PDS5A: variants seen among roughly 807,000 people sequenced by gnomAD.
PDS5A encodes PDS5 cohesin associated factor A.
In PDS5A, 42 loss-of-function variants were observed where a neutral mutation model predicts 167.1. The ratio of observed to expected loss-of-function variants is 0.25; its 90% CI spans 0.20 to 0.33. PDS5A has a LOEUF of 0.33. PDS5A is among the 10% of genes least tolerant of loss of function. The pLI, the probability that PDS5A is intolerant of heterozygous loss-of-function variation, is 1.00. For missense variants in PDS5A, 1,033 were observed against 1,605.9 expected, an observed-to-expected ratio of 0.64 and a Z score of 6.10; for synonymous variants, 553 against 554.6, an observed-to-expected ratio of 1.00 and a Z score of 0.04.
At chr4:39,949,825 A>AAAAAAAAAAAAAAG (rs1465039800) in intron 2 of PDS5A, among the ~76,000 whole-genome samples, 2 of 150,350 alleles carry the variant, frequency 1.3e-5, no homozygotes, top group South Asian at 2.1e-4. Flanking sequence ...GTCTCAGAAA[A>AAAAAAAAAAAAAAG]AAAAAAAAAA....
At chr4:39,863,574 C>A in intron 23 of PDS5A, 115 bp from the exon 24 acceptor site, 1 of 646,920 alleles carries the variant, frequency 1.5e-6, no homozygotes, top group Non-Finnish European at 2.5e-6. Flanking sequence ...TTTAAAATGA[C>A]GTACAAATAT....
chr4:39,838,012 T>C lies in PDS5A; in HGVS notation c.3854A>G (p.Asn1285Ser), dbSNP rs1716590052. ...KSESQGNATKNDDLNKPINKG... is the reference protein window; with the variant it reads ...KSESQGNATKSDDLNKPINKG... Reference sequence around the variant, plus strand: ...GTTAATAGGTTTATTTAGATCATCATTTTTGGTAGCATTGCCCTGAGATTC... The same window carrying C: ...GTTAATAGGTTTATTTAGATCATCACTTTTGGTAGCATTGCCCTGAGATTC... Residue 1285 changes from asparagine to serine, a missense_variant, in exon 32 of 33, where the codon AAT (asparagine) becomes AGT (serine). Transcript: ENST00000303538. The C allele has an allele frequency of 1.2e-6, 2 of 1,613,986 alleles. No homozygotes were observed. The highest frequency in any genetic ancestry group is 2.7e-5 in the African/African-American group (2 of 75,048).
At chr4:39,945,971 G>C (rs1727717157) in intron 2 of PDS5A, among the ~76,000 whole-genome samples, 1 of 151,792 alleles carries the variant, frequency 6.6e-6, no homozygotes, top group East Asian at 2.0e-4. Context: ...GGAGGCCGTG[G>C]AGGGAGGGGG....
chr4:39,915,750 AAT>A (rs1350027603), intron 8 of PDS5A, among the ~76,000 whole-genome samples: 2 of 152,170 alleles, frequency 1.3e-5, no homozygotes, highest in Non-Finnish European at 2.9e-5. Context: ...TTTATTAGCC[AAT>A]ATGATTTACT....
chr4:39,837,231 G>GT (rs1417479852), intron 32 of PDS5A: 3 of 152,340 alleles, frequency 2.0e-5, no homozygotes. Flanking sequence ...AATGCCTACA[G>GT]TCTAATTCAG....
intron 23 of PDS5A, among the ~76,000 whole-genome samples, chr4:39,864,144 CA>C (rs1719230920): frequency 6.7e-6 from 1 of 150,218 alleles, no homozygotes; most frequent in African/African-American, 2.4e-5. Context: ...AAACAAAAAA[CA>C]AAAAACAAAA....
chr4:39,937,559 G>A (rs1560500043), intron 2 of PDS5A, among the ~76,000 whole-genome samples: 2 of 152,138 alleles, frequency 1.3e-5, no homozygotes, highest in Admixed American at 6.5e-5. Flanking sequence ...GACCACAGAC[G>A]AATGCCACCA....
intron 2 of PDS5A, among the ~76,000 whole-genome samples, chr4:39,957,681 G>A: frequency 6.6e-6 from 1 of 151,466 alleles, no homozygotes; most frequent in East Asian, 2.0e-4. Context: ...AGCTACTCGG[G>A]AGGCTGAGGC....
intron 30 of PDS5A, among the ~76,000 whole-genome samples, chr4:39,842,928 T>G (rs899836055): frequency 7.3e-6 from 1 of 136,394 alleles, no homozygotes; most frequent in African/African-American, 2.8e-5. Flanking sequence ...TATATATATA[T>G]ATATATATAT....
At chr4:39,874,450 C>A in intron 19 of PDS5A, 38 bp from the exon 20 acceptor site, 1 of 1,569,974 alleles carries the variant, frequency 6.4e-7, no homozygotes, top group South Asian at 1.1e-5. Context: ...TTTCTTAAAC[C>A]CATAAACCAA....
intron 32 of PDS5A, among the ~76,000 whole-genome samples, chr4:39,834,681 C>T (rs1053146866): frequency 2.6e-5 from 4 of 152,178 alleles, no homozygotes; most frequent in Non-Finnish European, 5.9e-5. Context: ...TCTATCATTG[C>T]TTACAAAAAG....
At chr4:39,931,667 G>A (rs1726076776) in intron 2 of PDS5A, among the ~76,000 whole-genome samples, 6 of 152,162 alleles carry the variant, frequency 3.9e-5, no homozygotes, top group Admixed American at 2.0e-4. Context: ...TGAAGTGGCA[G>A]TCTTTTACGA....
At chr4:39,955,493 G>C (rs933508515) in intron 2 of PDS5A, among the ~76,000 whole-genome samples, 2 of 151,954 alleles carry the variant, frequency 1.3e-5, no homozygotes, top group Non-Finnish European at 2.9e-5. Context: ...ATCCCAGCTT[G>C]GGAGGCTGAG....
At position 39,873,034 on chromosome 4, in the gene PDS5A, T is replaced by C; in HGVS notation, c.2388A>G (p.Lys796=). Reference sequence around the variant, plus strand: ...TCACAATAAAATTTGCTACTACAGATTTCATTGGGGAAGCAAACTGATCTG... The same window carrying C: ...TCACAATAAAATTTGCTACTACAGACTTCATTGGGGAAGCAAACTGATCTG... ...LAPDQFASPM[K]SVVANFIVKD... The change falls in exon 21 of 33, where the codon AAA becomes AAG. Residue 796 remains lysine (K), a synonymous_variant. Coordinates refer to ENST00000303538, the MANE Select transcript of PDS5A (RefSeq NM_001100399.2). 6.5e-7 allele frequency: 1 copy of C among 1,536,086 alleles called. No homozygotes were observed.
intron 6 of PDS5A, among the ~76,000 whole-genome samples, 180 bp from the exon 7 acceptor site, chr4:39,920,579 GTGATCT>G (rs1173507961): frequency 6.6e-6 from 1 of 152,176 alleles, no homozygotes; most frequent in Non-Finnish European, 1.5e-5. Context: ...CTCTAGTCAA[GTGATCT>G]TAAATGCAGA....
intron 31 of PDS5A, among the ~76,000 whole-genome samples, chr4:39,841,663 C>G (rs1717030919): frequency 6.6e-6 from 1 of 152,124 alleles, no homozygotes; most frequent in Non-Finnish European, 1.5e-5. Context: ...TGGTGCCAAC[C>G]ACCACGCCCC....
intron 2 of PDS5A, among the ~76,000 whole-genome samples, chr4:39,953,685 G>A (rs1176679766): frequency 6.6e-6 from 1 of 152,002 alleles, no homozygotes; most frequent in Non-Finnish European, 1.5e-5. Flanking sequence ...AGCCATGATC[G>A]TACCACTGCA....
chr4:39,927,328 G>A (rs934030430), intron 3 of PDS5A, among the ~76,000 whole-genome samples: 1 of 152,064 alleles, frequency 6.6e-6, no homozygotes, highest in African/African-American at 2.4e-5. Flanking sequence ...CTAGTCCAAT[G>A]GTTCTATGAT....
At chr4:39,938,514 A>C (rs1726870379) in intron 2 of PDS5A, among the ~76,000 whole-genome samples, 2 of 151,986 alleles carry the variant, frequency 1.3e-5, no homozygotes, top group African/African-American at 4.8e-5. Context: ...AGATCGTGCC[A>C]CTGCACTCCA....
Sources: allele counts gnomAD v4.1 joint callset (sites outside exome capture counted in the v4.1 genomes callset), GRCh38; gene constraint gnomAD v4.1.1; transcripts MANE v1.5; gene names NCBI Gene and HGNC (gene_info 2026-07-23, HGNC 2026-07-21).